Variants in SCN8A observed in about 807,000 individuals in gnomAD.
SCN8A encodes the protein sodium channel protein type 8 subunit alpha.
A neutral mutation model predicts 184.1 loss-of-function variants in SCN8A; 30 were observed. The ratio of observed to expected loss-of-function variants is 0.16; its 90% CI spans 0.12 to 0.22. The LOEUF (loss-of-function observed/expected upper bound fraction) is 0.22. Among genes scored for constraint, SCN8A ranks in the 10% least tolerant of loss-of-function variants. The probability of loss-of-function intolerance (pLI) is 1.00; values close to 1 mark genes in which losing one functional copy is unlikely to be tolerated. For synonymous variants in SCN8A, 852 were observed against 907.0 expected (o/e 0.94, Z 1.09); for missense variants, 1,057 against 2,498.9 (o/e 0.42, Z 12.30).
chr12:51,786,456 C>A, intron 21 of SCN8A, 86 bp from the exon 22 acceptor site: 1 of 1,423,958 alleles, frequency 7.0e-7, no homozygotes, highest in South Asian at 1.2e-5. Flanking sequence ...GAACAAGCCA[C>A]ACAATGTCAT....
At chr12:51,747,089 A>ATGTGTGTGTGTGTGTGTGTG (rs60490453) in intron 13 of SCN8A, among the ~76,000 whole-genome samples, 15 of 81,324 alleles carry the variant, frequency 1.8e-4, no homozygotes, top group African/African-American at 5.8e-4. Context: ...CTCTGTGTGT[A>ATGTGTGTGTGTGTGTGTGTG]TGTGTGTGTG....
intron 14 of SCN8A, among the ~76,000 whole-genome samples, chr12:51,752,630 C>T (rs536564582): frequency 6.6e-6 from 1 of 152,270 alleles, no homozygotes; most frequent in East Asian, 1.9e-4. Flanking sequence ...GCTCCAGGCT[C>T]TCTGCAATGA....
At chr12:51,683,494 T>C (rs1941369271) in intron 2 of SCN8A, among the ~76,000 whole-genome samples, 1 of 152,204 alleles carries the variant, frequency 6.6e-6, no homozygotes, top group Non-Finnish European at 1.5e-5. Flanking sequence ...TAAATATTGA[T>C]TGAATGAAGA....
chr12:51,798,606 C>T lies in SCN8A; in HGVS notation c.4795+3965C>T, dbSNP rs1411961393. Among the ~76,000 whole-genome samples, 7 of 152,174 alleles carry T rather than the reference C, an allele frequency of 4.6e-5. No homozygotes were observed. The South Asian group carries it at 8.3e-4, about 18-fold the overall frequency. ...GGGAGTCCATGTTGGTGAGCCCATGCGTAACCTCCATCCCTGCCACTATAG... is the reference window on the plus strand; with the variant it reads ...GGGAGTCCATGTTGGTGAGCCCATGTGTAACCTCCATCCCTGCCACTATAG... On this transcript the variant is annotated intron_variant, in intron 26 of 26. Transcript: ENST00000627620.
At chr12:51,779,704 GT>G (rs1360444002) in intron 20 of SCN8A, among the ~76,000 whole-genome samples, 1 of 152,144 alleles carries the variant, frequency 6.6e-6, no homozygotes, top group African/African-American at 2.4e-5. Flanking sequence ...ATCAAATTTT[GT>G]TTTCCAATAA....
intron 6 of SCN8A, among the ~76,000 whole-genome samples, chr12:51,699,317 A>G (rs927833996): frequency 6.6e-6 from 1 of 152,262 alleles, no homozygotes. Flanking sequence ...AAGTGTTCCC[A>G]GGAAGAAAGG....
At chr12:51,770,754 T>C in intron 19 of SCN8A, 71 bp downstream of exon 19, 5 of 1,524,134 alleles carry the variant, frequency 3.3e-6, no homozygotes, top group Non-Finnish European at 3.6e-6. Context: ...GGGAAAAGGC[T>C]GAGGCCAAAG....
chr12:51,671,387 A>G (rs1450073182), intron 2 of SCN8A, among the ~76,000 whole-genome samples: 3 of 152,162 alleles, frequency 2.0e-5, no homozygotes, highest in Non-Finnish European at 2.9e-5. Context: ...CTGTGATTCC[A>G]TAGTTCTGAG....
At chr12:51,744,347 C>T (rs1305541245) in intron 12 of SCN8A, among the ~76,000 whole-genome samples, 1 of 152,190 alleles carries the variant, frequency 6.6e-6, no homozygotes, top group African/African-American at 2.4e-5. Flanking sequence ...TTCTATTCTG[C>T]AGCTATGCTG....
At chr12:51,772,841 G>T (rs1271688966) in intron 19 of SCN8A, among the ~76,000 whole-genome samples, 2 of 146,450 alleles carry the variant, frequency 1.4e-5, no homozygotes, top group Non-Finnish European at 3.1e-5. Flanking sequence ...AATTAACCGG[G>T]CATGGTGTCT....
At chr12:51,690,583 A>T (rs1941490474) in intron 6 of SCN8A, among the ~76,000 whole-genome samples, 1 of 152,194 alleles carries the variant, frequency 6.6e-6, no homozygotes, top group Admixed American at 6.5e-5. Context: ...GCTGGCTGCC[A>T]ACTCCTGGGC....
intron 19 of SCN8A, among the ~76,000 whole-genome samples, chr12:51,772,454 A>C (rs549381302): frequency 1.3e-5 from 2 of 151,950 alleles, no homozygotes; most frequent in African/African-American, 4.8e-5. Context: ...AAGAAACTAG[A>C]ACGTGGTTAC....
At chr12:51,604,838 G>GTT (rs199868823) in intron 1 of SCN8A, among the ~76,000 whole-genome samples, 42 of 146,204 alleles carry the variant, frequency 2.9e-4, no homozygotes, top group African/African-American at 8.0e-4. Context: ...AGGCTCCAGT[G>GTT]TTTTTTTTTT....
intron 21 of SCN8A, among the ~76,000 whole-genome samples, chr12:51,783,905 CA>C (rs1360032724): frequency 1.3e-5 from 2 of 152,086 alleles, no homozygotes; most frequent in Non-Finnish European, 2.9e-5. Flanking sequence ...TATAAACTTC[CA>C]TTGATAAAAG....
chr12:51,603,294 T>A (rs768357336), intron 1 of SCN8A, among the ~76,000 whole-genome samples: 15 of 152,260 alleles, frequency 9.9e-5, no homozygotes, highest in Non-Finnish European at 2.1e-4. Context: ...TGAGACTGAC[T>A]TCTTTTGCTG....
chr12:51,647,018 A>T (rs1328385131), intron 1 of SCN8A, among the ~76,000 whole-genome samples: 2 of 152,210 alleles, frequency 1.3e-5, no homozygotes, highest in Non-Finnish European at 2.9e-5. Context: ...AATAGGATCC[A>T]TTCTTAAGAA....
At position 51,812,037 on chromosome 12, in the gene SCN8A, C is replaced by T. The variant is rs1938918334; in HGVS notation, c.*4608C>T. Reference sequence around the variant, plus strand: ...AGAGGAAGTCTGGGTTGGGAGGGGCCCAAGTTTTGCAACAGAGTTTCCATT... The same window carrying T: ...AGAGGAAGTCTGGGTTGGGAGGGGCTCAAGTTTTGCAACAGAGTTTCCATT... On this transcript the variant is annotated 3_prime_UTR_variant, in exon 27 of 27. Transcript: ENST00000627620. 6.6e-6 allele frequency: 1 copy of T among 152,144 alleles called. No individual in the cohort carries two copies. The highest frequency in any genetic ancestry group is 2.4e-5 in the African/African-American group (1 of 41,400). 9.4% of individuals were successfully genotyped at this position (152,144 alleles called of 1,614,324 possible).
chr12:51,741,353 TA>T (rs1368163217), intron 12 of SCN8A, among the ~76,000 whole-genome samples: 5 of 152,226 alleles, frequency 3.3e-5, no homozygotes, highest in African/African-American at 1.2e-4. Context: ...TGTGTATCTT[TA>T]TAGGTGAAGT....
chr12:51,729,580 C>G (rs1308286983), intron 12 of SCN8A, among the ~76,000 whole-genome samples: 1 of 152,110 alleles, frequency 6.6e-6, no homozygotes, highest in African/African-American at 2.4e-5. Flanking sequence ...GATAGATGTT[C>G]CGGTTGCTTC....
Sources: allele counts gnomAD v4.1 joint callset (sites outside exome capture counted in the v4.1 genomes callset), GRCh38; gene constraint gnomAD v4.1.1; transcripts MANE v1.5; gene names NCBI Gene and HGNC (gene_info 2026-07-23, HGNC 2026-07-21).